SGCG: variants seen among roughly 807,000 people sequenced by gnomAD.
SGCG encodes the protein sarcoglycan gamma.
In SGCG, 26 loss-of-function variants were observed where a neutral mutation model predicts 29.3. The observed-to-expected ratio is 0.89, with a 90% CI of 0.65 to 1.23. The LOEUF (loss-of-function observed/expected upper bound fraction) is 1.23, where lower values mean the gene tolerates loss of function less well. Among genes scored for constraint, SGCG ranks in the 50% most tolerant of loss-of-function variants. The pLI is 0.00. For missense variants in SGCG, 353 were observed against 356.0 expected (o/e 0.99, Z 0.07); for synonymous variants, 145 against 129.7 (o/e 1.12, Z -0.80).
At chr13:23,260,911 A>G (rs895886513) in intron 4 of SGCG, among the ~76,000 whole-genome samples, 2 of 152,192 alleles carry the variant, frequency 1.3e-5, no homozygotes, top group Non-Finnish European at 2.9e-5. Context: ...ATCTGCTCTT[A>G]GTCTTATGGG....
chr13:23,298,901 T>C (rs1441545927), intron 6 of SGCG, among the ~76,000 whole-genome samples: 3 of 152,120 alleles, frequency 2.0e-5, no homozygotes, highest in African/African-American at 7.2e-5. Flanking sequence ...TTGAGCAACT[T>C]GAGTGTTAAA....
chr13:23,233,713 T>C (rs1453946404), intron 2 of SGCG, among the ~76,000 whole-genome samples: 1 of 152,072 alleles, frequency 6.6e-6, no homozygotes, highest in African/African-American at 2.4e-5. Flanking sequence ...TTTTTAAAAT[T>C]TGGAAAAAAA....
At chr13:23,304,188 G>C (rs1242658499) in intron 6 of SGCG, among the ~76,000 whole-genome samples, 1 of 151,946 alleles carries the variant, frequency 6.6e-6, no homozygotes, top group African/African-American at 2.4e-5. Flanking sequence ...GCTTCAGTTG[G>C]TTTTTGACTT....
intron 2 of SGCG, among the ~76,000 whole-genome samples, chr13:23,222,909 G>T (rs1469892829): frequency 6.6e-6 from 1 of 152,000 alleles, no homozygotes; most frequent in Non-Finnish European, 1.5e-5. Context: ...TTTTTAAAAG[G>T]TATATGTTCT....
intron 5 of SGCG, among the ~76,000 whole-genome samples, chr13:23,280,884 C>T (rs980869435): frequency 2.0e-5 from 3 of 152,200 alleles, no homozygotes; most frequent in Non-Finnish European, 4.4e-5. Flanking sequence ...CCAAGCCCTC[C>T]TACTCAGAGA....
At chr13:23,300,715 TA>T (rs1181037441) in intron 6 of SGCG, among the ~76,000 whole-genome samples, 1 of 148,838 alleles carries the variant, frequency 6.7e-6, no homozygotes, top group African/African-American at 2.5e-5. Context: ...TAGAACCATT[TA>T]AAAACAGAGA....
At chr13:23,223,294 A>G (rs1259890333) in intron 2 of SGCG, among the ~76,000 whole-genome samples, 1 of 136,822 alleles carries the variant, frequency 7.3e-6, no homozygotes, top group Non-Finnish European at 1.6e-5. Context: ...AAAAAAAAAA[A>G]AAAAGAGTAC....
intron 1 of SGCG, among the ~76,000 whole-genome samples, chr13:23,199,280 G>T (rs1877646408): frequency 6.6e-6 from 1 of 152,140 alleles, no homozygotes; most frequent in African/African-American, 2.4e-5. Flanking sequence ...TAGATTTTAA[G>T]TTCTAATATA....
the SGCG span, among the ~76,000 whole-genome samples, chr13:23,161,086 T>C: frequency 1.2e-3 from 186 of 152,280 alleles, 3 homozygotes; most frequent in East Asian, 0.034. Flanking sequence ...GCGGAGTGTC[T>C]GCACCAAGTG....
At chr13:23,319,916 A>C (rs1455269931) in intron 6 of SGCG, among the ~76,000 whole-genome samples, 1 of 152,198 alleles carries the variant, frequency 6.6e-6, no homozygotes, top group Admixed American at 6.5e-5. Flanking sequence ...ATTTGGCTTA[A>C]CCACAAGGAA....
At chr13:23,268,231 G>C (rs1880716617) in intron 4 of SGCG, 1 of 152,238 alleles carries the variant, frequency 6.6e-6, no homozygotes, top group Admixed American at 6.5e-5. Flanking sequence ...TCCACAAGTA[G>C]GTGGCCAACA....
intron 2 of SGCG, among the ~76,000 whole-genome samples, chr13:23,218,994 AG>A (rs1878545211): frequency 6.7e-6 from 1 of 148,740 alleles, no homozygotes; most frequent in Non-Finnish European, 1.5e-5. Context: ...CAAAAAGCAT[AG>A]TTTTTTTTAA....
chr13:23,170,216 C>A, the SGCG span, among the ~76,000 whole-genome samples: 1 of 152,136 alleles, frequency 6.6e-6, no homozygotes, highest in Non-Finnish European at 1.5e-5. Flanking sequence ...TATCAAACAG[C>A]TTTATTTCTT....
chr13:23,238,498 G>C (rs1290171647), intron 3 of SGCG, among the ~76,000 whole-genome samples: 1 of 152,124 alleles, frequency 6.6e-6, no homozygotes, highest in Non-Finnish European at 1.5e-5. Flanking sequence ...AGTCAGAGTG[G>C]AAAACTTCAT....
intron 1 of SGCG, among the ~76,000 whole-genome samples, chr13:23,202,062 AGGTCCTGG>A (rs752761471): frequency 2.0e-5 from 3 of 152,198 alleles, no homozygotes; most frequent in Non-Finnish European, 2.9e-5. Flanking sequence ...TCCAGGACAA[AGGTCCTGG>A]GGTGAGAATT....
At chr13:23,319,227 G>A (rs1181199876) in intron 6 of SGCG, among the ~76,000 whole-genome samples, 3 of 151,922 alleles carry the variant, frequency 2.0e-5, no homozygotes, top group Non-Finnish European at 4.4e-5. Context: ...GAAGCCAGGA[G>A]GTTGTGGTTG....
At chr13:23,284,115 T>G (rs2148440) in intron 5 of SGCG, among the ~76,000 whole-genome samples, 65,849 of 151,902 alleles carry the variant, frequency 0.43, 15,103 homozygotes, top group Middle Eastern at 0.65. Context: ...GTACCTTTGT[T>G]GTGTTCTCTC....
chr13:23,240,768 A>G (rs2137553065), intron 3 of SGCG, among the ~76,000 whole-genome samples: 1 of 152,324 alleles, frequency 6.6e-6, no homozygotes, highest in Admixed American at 6.5e-5. Flanking sequence ...GAACTGAATG[A>G]CAATTAAGAA....
chr13:23,180,744 G>C (rs1876701318), upstream of SGCG, among the ~76,000 whole-genome samples: 1 of 152,162 alleles, frequency 6.6e-6, no homozygotes, highest in Non-Finnish European at 1.5e-5. Flanking sequence ...GGTTTTGTAA[G>C]AAGAAGAGTT....
Sources: gnomAD v4.1 joint callset for allele counts (sites outside exome capture counted in the v4.1 genomes callset) on GRCh38, gnomAD v4.1.1 for gene constraint, MANE v1.5 for transcripts, NCBI Gene and HGNC (gene_info 2026-07-23, HGNC 2026-07-21) for gene names.